Variants in ZHX2 observed in about 807,000 individuals in gnomAD.
ZHX2 encodes zinc fingers and homeoboxes 2.
Under a neutral mutation model 21.9 loss-of-function variants are expected in ZHX2, and 6 were observed. The observed-to-expected ratio is 0.27, with a 90% CI of 0.15 to 0.54. The LOEUF is 0.54. Ranked by LOEUF, ZHX2 falls within the 20% of genes least tolerant of loss-of-function variation. The pLI is 0.95. For synonymous variants in ZHX2, 434 were observed against 437.1 expected (o/e 0.99, Z 0.09); for missense variants, 908 against 1,090.7 (o/e 0.83, Z 2.36).
intron 1 of ZHX2, among the ~76,000 whole-genome samples, chr8:122,838,929 G>A (rs1485542224): frequency 6.6e-6 from 1 of 152,010 alleles, no homozygotes; most frequent in African/African-American, 2.4e-5. Context: ...GATTCATACT[G>A]TATATATAGT....
At chr8:122,924,777 C>G (rs1172859287) in intron 2 of ZHX2, among the ~76,000 whole-genome samples, 5 of 152,148 alleles carry the variant, frequency 3.3e-5, no homozygotes, top group African/African-American at 1.2e-4. Flanking sequence ...GGTGACCAGA[C>G]AGAGAAAAAA....
intron 2 of ZHX2, among the ~76,000 whole-genome samples, chr8:122,913,999 C>G (rs988002734): frequency 6.6e-6 from 1 of 152,206 alleles, no homozygotes; most frequent in African/African-American, 2.4e-5. Context: ...GCTCTCTTCT[C>G]TAGTAATTTT....
intron 1 of ZHX2, among the ~76,000 whole-genome samples, chr8:122,798,126 T>C (rs1817648121): frequency 6.6e-6 from 1 of 152,162 alleles, no homozygotes; most frequent in Non-Finnish European, 1.5e-5. Flanking sequence ...AACCCAGCAC[T>C]GGAGGGTGGG....
Position 122,953,840 on chromosome 8 carries a change from G to A in ZHX2, c.2330G>A (p.Arg777Gln), listed in dbSNP as rs150252730. 144 of 1,614,210 alleles carry A rather than the reference G, an allele frequency of 8.9e-5. 2 individuals carry two copies. The African/African-American group carries it at 1.2e-3, about 13-fold the overall frequency. Residue 777 changes from arginine to glutamine, a missense_variant, in exon 3 of 4, where the codon CGG (arginine) becomes CAG (glutamine). By Grantham distance (43) the Arg-to-Gln change is conservative. Coordinates refer to ENST00000314393, the MANE Select transcript of ZHX2 (RefSeq NM_014943.5). This position sits in a 1 kb window ranked among gnomAD's most constrained non-coding sequence, Gnocchi z 4.6. Reference protein sequence around the residue: ...ATSDRSEGSSRDGQGSDENEE... With the variant: ...ATSDRSEGSSQDGQGSDENEE... ...TCAGACCGGTCAGAGGGCAGCAGCC[G>A]GGACGGCCAGGGTAGCGACGAGAAC...
At chr8:122,809,445 A>T (rs913087450) in intron 1 of ZHX2, among the ~76,000 whole-genome samples, 25 of 152,142 alleles carry the variant, frequency 1.6e-4, no homozygotes, top group African/African-American at 6.0e-4. Flanking sequence ...GGTTGCAGTG[A>T]GCTGAGGTTG....
At chr8:122,969,734 A>C (rs1813673038) in intron 3 of ZHX2, among the ~76,000 whole-genome samples, 1 of 152,132 alleles carries the variant, frequency 6.6e-6, no homozygotes, top group Non-Finnish European at 1.5e-5. Flanking sequence ...CTCTCAAAAA[A>C]AATGTTATGG....
intron 2 of ZHX2, among the ~76,000 whole-genome samples, chr8:122,910,017 C>T (rs1399657224): frequency 6.6e-6 from 1 of 152,100 alleles, no homozygotes; most frequent in Non-Finnish European, 1.5e-5. Flanking sequence ...TGCCCCTGAG[C>T]CTCTGCTGTT....
chr8:122,798,510 C>G (rs1336561888), intron 1 of ZHX2, among the ~76,000 whole-genome samples: 1 of 152,080 alleles, frequency 6.6e-6, no homozygotes, highest in Admixed American at 6.6e-5. Flanking sequence ...AGTAAGGACC[C>G]GGCTGAGCAC....
Position 122,952,596 on chromosome 8 carries a change from C to T in ZHX2, c.1086C>T (p.Leu362=). The T allele has an allele frequency of 6.2e-7, 1 of 1,614,198 alleles. No individual in the cohort carries two copies. The highest frequency in any genetic ancestry group is 1.1e-5 in the South Asian group (1 of 91,084). ...CCACAAAGGTGACGCAGCCCATCCT[C>T]CAGACGGCTCTACCGTGCCAGATCC... ...LAPTKVTQPI[L]QTALPCQILG... is the part of the protein sequence containing the mutation. The change falls in exon 3 of 4, where the codon CTC becomes CTT. Residue 362 remains leucine, a synonymous_variant. Transcript: ENST00000314393. This position sits in a 1 kb window ranked among gnomAD's most constrained non-coding sequence, Gnocchi z 6.9.
chr8:122,951,301 T>C lies in ZHX2; in HGVS notation c.-210T>C. 1 of 570,900 alleles carries C rather than the reference T, an allele frequency of 1.8e-6. No homozygotes were observed. Among genetic ancestry groups the C allele is most frequent in the Non-Finnish European group, 3.1e-6 (1 of 320,570 alleles). The allele number at this position is 570,900 out of a possible 1,614,324, so 35.4% of individuals were successfully genotyped here. A position where few individuals can be genotyped will look rare whatever the true frequency, so the allele number is the denominator to read the frequency against. ...TTGTTCTTGTCCACAGATATGATGCTTCCTGGTGTGTTTAGTGGTTGGTGC... is the reference window on the plus strand; with the variant it reads ...TTGTTCTTGTCCACAGATATGATGCCTCCTGGTGTGTTTAGTGGTTGGTGC... On this transcript the variant is annotated 5_prime_UTR_variant, in exon 3 of 4. Coordinates refer to ENST00000314393, the MANE Select transcript of ZHX2 (RefSeq NM_014943.5).
chr8:122,957,324 A>ACCCCACTT (rs144906523), intron 3 of ZHX2, among the ~76,000 whole-genome samples: 3,504 of 150,594 alleles, frequency 0.023, 132 homozygotes, highest in African/African-American at 0.081. Context: ...ACATGCAGGA[A>ACCCCACTT]CCCCACTTTA....
intron 1 of ZHX2, among the ~76,000 whole-genome samples, chr8:122,827,395 A>G (rs1818286334): frequency 6.6e-6 from 1 of 152,176 alleles, no homozygotes; most frequent in South Asian, 2.1e-4. Flanking sequence ...ATTAATGATG[A>G]TAACAATAGT....
At chr8:122,933,957 G>T (rs1338839650) in intron 2 of ZHX2, among the ~76,000 whole-genome samples, 1 of 152,192 alleles carries the variant, frequency 6.6e-6, no homozygotes, top group East Asian at 1.9e-4. Context: ...GATCACTTGA[G>T]CTCAGGAGTT....
intron 1 of ZHX2, among the ~76,000 whole-genome samples, chr8:122,848,918 G>A (rs1818821981): frequency 6.6e-6 from 1 of 152,208 alleles, no homozygotes; most frequent in Non-Finnish European, 1.5e-5. Flanking sequence ...ACGCAGTCCT[G>A]AGTGATTGTG....
chr8:122,897,353 T>G (rs1192648379), intron 2 of ZHX2, among the ~76,000 whole-genome samples: 1 of 152,256 alleles, frequency 6.6e-6, no homozygotes, highest in African/African-American at 2.4e-5. Context: ...CACCATGAGT[T>G]AGTGCTTTTG....
At chr8:122,906,411 C>G (rs28575478) in intron 2 of ZHX2, among the ~76,000 whole-genome samples, 1 of 152,076 alleles carries the variant, frequency 6.6e-6, no homozygotes, top group African/African-American at 2.4e-5. Context: ...GAAATCTGTT[C>G]AAGAGGATAA....
At chr8:122,882,929 C>T (rs1819749144) in intron 2 of ZHX2, among the ~76,000 whole-genome samples, 1 of 152,140 alleles carries the variant, frequency 6.6e-6, no homozygotes, top group South Asian at 2.1e-4. Flanking sequence ...TTGCAGTGAG[C>T]TGAGATGGCA....
rs147834952 is a variant in ZHX2, at chr8:122,953,004, C to T, written c.1494C>T (p.Ile498=). Residue 498 remains isoleucine, a synonymous_variant, in exon 3 of 4, where the codon ATC becomes ATT. Transcript: ENST00000314393. The surrounding 1 kb of genome is among the most constrained non-coding windows in gnomAD (Gnocchi z 4.6). ...ACCGATATCGGTGTCAAAGGGGCAT[C>T]GTCCACATCACCAGCGAATCCCTTG... ...SDHRYRCQRG[I]VHITSESLAK... 20 of 1,613,980 alleles carry T rather than the reference C, an allele frequency of 1.2e-5. No homozygotes were observed. The South Asian group carries it at 2.2e-4, about 18-fold the overall frequency.
chr8:122,881,713 C>G (rs1339812148), intron 2 of ZHX2, among the ~76,000 whole-genome samples: 1 of 152,184 alleles, frequency 6.6e-6, no homozygotes, highest in Non-Finnish European at 1.5e-5. Flanking sequence ...CAAGGCCACC[C>G]TGCAGGTGAC....
Sources: allele counts gnomAD v4.1 joint callset (sites outside exome capture counted in the v4.1 genomes callset), GRCh38; gene constraint gnomAD v4.1.1; non-coding constraint Gnocchi (gnomAD v3.1); transcripts MANE v1.5; gene names NCBI Gene and HGNC (gene_info 2026-07-23, HGNC 2026-07-21).